Variants in PIP5K1B observed in about 807,000 individuals in gnomAD.
PIP5K1B encodes phosphatidylinositol 4-phosphate 5-kinase type-1 beta.
Under a neutral mutation model 67.0 loss-of-function variants are expected in PIP5K1B, and 42 were observed. The observed-to-expected ratio is 0.63, with a 90% confidence interval of 0.49 to 0.81. The LOEUF is 0.81. PIP5K1B is among the 30% of genes least tolerant of loss of function. PIP5K1B has a pLI of 0.00. For missense variants in PIP5K1B, 459 were observed against 646.3 expected (o/e 0.71, Z 3.14); for synonymous variants, 214 against 231.4 (o/e 0.92, Z 0.68).
At chr9:68,731,745 G>A (rs1406794831) in intron 1 of PIP5K1B, among the ~76,000 whole-genome samples, 1 of 152,220 alleles carries the variant, frequency 6.6e-6, no homozygotes, top group African/African-American at 2.4e-5. Flanking sequence ...GTTAGTGCAT[G>A]TGATGGTTTG....
In PIP5K1B at chr9:68,975,189, C is replaced by G. The variant is rs191906947; in HGVS notation, c.1503-15951C>G. 2.2e-3 allele frequency among the ~76,000 whole-genome samples: 330 copies of G among 152,322 alleles called. 1 individual carries two copies. The highest frequency in any genetic ancestry group is 7.5e-3 in the African/African-American group (310 of 41,574). ...ACTCAAGCAGCCCTCCCACCCCAGCCTCCCAAGTGGCTGGGACTATAGGTG... is the reference window on the plus strand; with the variant it reads ...ACTCAAGCAGCCCTCCCACCCCAGCGTCCCAAGTGGCTGGGACTATAGGTG... On this transcript the variant is annotated intron_variant, in intron 14 of 15. Transcript: ENST00000265382.
intron 2 of PIP5K1B, among the ~76,000 whole-genome samples, chr9:68,798,055 T>C (rs1832391256): frequency 6.6e-6 from 1 of 151,808 alleles, no homozygotes; most frequent in African/African-American, 2.4e-5. Context: ...ATGGTGGTTT[T>C]TTTTCATTCC....
intron 12 of PIP5K1B, among the ~76,000 whole-genome samples, chr9:68,925,993 G>A (rs541419021): frequency 6.7e-4 from 102 of 151,554 alleles, no homozygotes; most frequent in Non-Finnish European, 1.4e-3. Context: ...ATGGGGTTTC[G>A]TCGTGTTGGC....
intron 13 of PIP5K1B, 98 bp from the exon 14 acceptor site, chr9:68,940,548 G>A (rs1827505174): frequency 6.9e-6 from 8 of 1,153,794 alleles, no homozygotes; most frequent in Admixed American, 2.4e-5. Context: ...CAGCCTGATA[G>A]GTAAAATGAA....
intron 6 of PIP5K1B, among the ~76,000 whole-genome samples, chr9:68,886,064 A>T (rs1000429923): frequency 6.6e-6 from 1 of 152,086 alleles, no homozygotes; most frequent in African/African-American, 2.4e-5. Flanking sequence ...CCTGTATCCC[A>T]GCTACTCGGG....
At chr9:68,992,286 A>G (rs572462743) in intron 15 of PIP5K1B, among the ~76,000 whole-genome samples, 26 of 152,078 alleles carry the variant, frequency 1.7e-4, no homozygotes, top group Non-Finnish European at 3.1e-4. Flanking sequence ...TACATAAAAC[A>G]GGGGAAGTGT....
intron 4 of PIP5K1B, among the ~76,000 whole-genome samples, chr9:68,841,832 G>A (rs1821936399): frequency 6.6e-6 from 1 of 152,194 alleles, no homozygotes; most frequent in South Asian, 2.1e-4. Flanking sequence ...TAGGGTGGGT[G>A]GAAGTGGCAT....
chr9:68,981,088 A>C (rs77630242), intron 14 of PIP5K1B, among the ~76,000 whole-genome samples: 14,217 of 152,214 alleles, frequency 0.093, 1,028 homozygotes, highest in African/African-American at 0.2. Flanking sequence ...TTATAGCTGC[A>C]AGATAGGATA....
At position 68,914,149 on chromosome 9, in the gene PIP5K1B, A is replaced by C. The variant is rs111500076; in HGVS notation, c.772-3399A>C. ...TGAGGAAAATGCTTTGCAGAGGTTG[A>C]ATATTGCATGACAATATAAAAAAAG... On this transcript the variant is annotated intron_variant, in intron 8 of 15. Transcript: ENST00000265382. Among the ~76,000 whole-genome samples, 4 of 152,332 alleles carry C rather than the reference A, an allele frequency of 2.6e-5. 1 individual carries two copies. The highest frequency in any genetic ancestry group is 9.6e-5 in the African/African-American group (4 of 41,570).
chr9:69,007,946 T>C (rs904783705), intron 15 of PIP5K1B, among the ~76,000 whole-genome samples: 1 of 152,134 alleles, frequency 6.6e-6, no homozygotes, highest in Admixed American at 6.6e-5. Context: ...ACATATATCA[T>C]AGTGCTGCTG....
intron 6 of PIP5K1B, among the ~76,000 whole-genome samples, chr9:68,877,940 T>A (rs1297535816): frequency 6.6e-6 from 1 of 151,692 alleles, no homozygotes; most frequent in Non-Finnish European, 1.5e-5. Context: ...CTCTCACCAC[T>A]CCCCTTTCAT....
chr9:68,822,511 A>C, intron 3 of PIP5K1B, 104 bp from the exon 4 acceptor site: 1 of 834,038 alleles, frequency 1.2e-6, no homozygotes, highest in Non-Finnish European at 1.9e-6. Context: ...TAGCAATAAC[A>C]AAAACATACT....
At chr9:68,765,657 T>A (rs751377541) in intron 2 of PIP5K1B, among the ~76,000 whole-genome samples, 1 of 152,312 alleles carries the variant, frequency 6.6e-6, no homozygotes, top group Non-Finnish European at 1.5e-5. Flanking sequence ...GAGAAAGTGA[T>A]TTGCCATTTA....
chr9:68,780,044 C>G (rs1157540221), intron 2 of PIP5K1B: 1 of 1,341,482 alleles, frequency 7.5e-7, no homozygotes, highest in Admixed American at 3.3e-5. Flanking sequence ...TACGCATGCG[C>G]AGAGGGGCCA....
chr9:68,993,983 A>AGG lies in PIP5K1B; in HGVS notation c.1620+2730_1620+2731dup, dbSNP rs1564302130. ...GGAAGGATACAGAAAGGAAGGAATG[A>AGG]GGGGGTTTTATTGAGAATATTTTTT... On this transcript the variant is annotated intron_variant, in intron 15 of 15. Transcript: ENST00000265382. 4.7e-5 allele frequency among the ~76,000 whole-genome samples: 7 copies of AGG among 150,072 alleles called. No individual in the cohort carries two copies. In the South Asian group the frequency reaches 1.5e-3, roughly 32 times the overall value.
intron 4 of PIP5K1B, among the ~76,000 whole-genome samples, chr9:68,840,318 A>G (rs1821852481): frequency 6.6e-6 from 1 of 151,942 alleles, no homozygotes; most frequent in Non-Finnish European, 1.5e-5. Flanking sequence ...CGGAGGTTGT[A>G]GTGAACTGAG....
intron 4 of PIP5K1B, among the ~76,000 whole-genome samples, chr9:68,860,194 G>A (rs1404345871): frequency 6.6e-6 from 1 of 150,646 alleles, no homozygotes; most frequent in Non-Finnish European, 1.5e-5. Context: ...ATCTCCCCAA[G>A]CCCCCAGCCC....
At chr9:68,937,522 C>G (rs1827325803) in intron 13 of PIP5K1B, among the ~76,000 whole-genome samples, 1 of 152,122 alleles carries the variant, frequency 6.6e-6, no homozygotes, top group South Asian at 2.1e-4. Context: ...GGCTAGAGGT[C>G]TATCTATTTT....
intron 4 of PIP5K1B, among the ~76,000 whole-genome samples, chr9:68,835,819 C>T (rs1834572036): frequency 6.7e-6 from 1 of 148,692 alleles, no homozygotes; most frequent in Non-Finnish European, 1.5e-5. Flanking sequence ...TTTTAAAAAG[C>T]CTGTGCCTAG....
Sources: allele counts gnomAD v4.1 joint callset (sites outside exome capture counted in the v4.1 genomes callset), GRCh38; gene constraint gnomAD v4.1.1; transcripts MANE v1.5; gene names NCBI Gene and HGNC (gene_info 2026-07-23, HGNC 2026-07-21).